The following GALNT13 variants were observed in gnomAD, a reference collection of about 807,000 sequenced individuals.
GALNT13 encodes the protein polypeptide N-acetylgalactosaminyltransferase 13.
A neutral mutation model predicts 64.2 loss-of-function variants in GALNT13; 28 were observed. The observed-to-expected ratio is 0.44, with a 90% CI of 0.32 to 0.60. The LOEUF is 0.60. Among genes scored for constraint, GALNT13 ranks in the 20% least tolerant of loss-of-function variants. GALNT13 has a pLI of 0.05. For synonymous variants in GALNT13, 214 were observed against 224.6 expected, an observed-to-expected ratio of 0.95 and a Z score of 0.42; for missense variants, 577 against 669.8, an observed-to-expected ratio of 0.86 and a Z score of 1.53.
At chr2:153,767,817 G>C in the GALNT13 span, among the ~76,000 whole-genome samples, 145 of 150,542 alleles carry the variant, frequency 9.6e-4, no homozygotes, top group Middle Eastern at 0.01. Flanking sequence ...CCCCTGTTTA[G>C]TTGTTTGAGT....
the GALNT13 span, among the ~76,000 whole-genome samples, chr2:153,116,318 A>G: frequency 6.6e-6 from 1 of 152,184 alleles, no homozygotes; most frequent in Admixed American, 6.5e-5. Context: ...TAACAAAGTA[A>G]ATGAGACTGA....
At chr2:153,727,757 C>T in the GALNT13 span, among the ~76,000 whole-genome samples, 1 of 150,862 alleles carries the variant, frequency 6.6e-6, no homozygotes. Context: ...ACTTTAAGTT[C>T]TGGGATAAAT....
the GALNT13 span, among the ~76,000 whole-genome samples, chr2:153,548,245 A>T: frequency 6.6e-6 from 1 of 152,174 alleles, no homozygotes; most frequent in Non-Finnish European, 1.5e-5. Flanking sequence ...TAAGAAGCTC[A>T]CAGGTGATGC....
chr2:153,998,975 C>T (rs966897532), intron 3 of GALNT13, among the ~76,000 whole-genome samples: 1 of 152,024 alleles, frequency 6.6e-6, no homozygotes. Context: ...GCCAAACTGC[C>T]CAAAGTAATT....
At chr2:153,536,335 C>G in the GALNT13 span, among the ~76,000 whole-genome samples, 3 of 152,206 alleles carry the variant, frequency 2.0e-5, no homozygotes, top group Non-Finnish European at 4.4e-5. Flanking sequence ...CTGGTTCTCA[C>G]AAGGATTACT....
the GALNT13 span, among the ~76,000 whole-genome samples, chr2:153,396,181 A>G: frequency 1.3e-5 from 2 of 152,072 alleles, no homozygotes; most frequent in African/African-American, 4.8e-5. Flanking sequence ...CAGGAGATAA[A>G]ATTGATTGGC....
At chr2:153,849,415 C>G in the GALNT13 span, among the ~76,000 whole-genome samples, 94 of 152,200 alleles carry the variant, frequency 6.2e-4, 2 homozygotes, top group South Asian at 4.1e-4. Flanking sequence ...GTATTCTTGC[C>G]TAGCAAGGAG....
chr2:154,084,232 C>T (rs1157272206), intron 3 of GALNT13, among the ~76,000 whole-genome samples: 1 of 151,764 alleles, frequency 6.6e-6, no homozygotes, highest in Non-Finnish European at 1.5e-5. Context: ...AAGTTTCTTA[C>T]ATTTGTTTTT....
At chr2:153,081,746 C>T in the GALNT13 span, among the ~76,000 whole-genome samples, 5 of 152,186 alleles carry the variant, frequency 3.3e-5, no homozygotes, top group Admixed American at 3.3e-4. Flanking sequence ...ACATGTACCA[C>T]ATTTTTTTTA....
the GALNT13 span, among the ~76,000 whole-genome samples, chr2:153,214,652 C>G: frequency 1.4e-4 from 21 of 152,216 alleles, no homozygotes; most frequent in South Asian, 3.3e-3. Context: ...TTTCAAGTAA[C>G]TGGGACTTAA....
the GALNT13 span, among the ~76,000 whole-genome samples, chr2:153,108,870 T>C: frequency 6.6e-6 from 1 of 152,138 alleles, no homozygotes. Context: ...TTTCTAACCA[T>C]GTGCTGATAT....
At chr2:153,825,187 T>A in the GALNT13 span, among the ~76,000 whole-genome samples, 1 of 152,288 alleles carries the variant, frequency 6.6e-6, no homozygotes, top group African/African-American at 2.4e-5. Flanking sequence ...GCGACTCACA[T>A]CAGTGGGTTG....
At chr2:153,844,125 G>T in the GALNT13 span, among the ~76,000 whole-genome samples, 1 of 152,184 alleles carries the variant, frequency 6.6e-6, no homozygotes, top group East Asian at 1.9e-4. Context: ...CTTTGTGGGG[G>T]CTCCAATCCC....
At chr2:154,399,346 T>TA (rs1176566581) in intron 10 of GALNT13, among the ~76,000 whole-genome samples, 1 of 152,156 alleles carries the variant, frequency 6.6e-6, no homozygotes, top group Non-Finnish European at 1.5e-5. Flanking sequence ...ATAAATAATA[T>TA]AAATTTATTT....
At chr2:153,917,062 G>A (rs7606717) in intron 2 of GALNT13, among the ~76,000 whole-genome samples, 109,099 of 151,938 alleles carry the variant, frequency 0.72, 39,498 homozygotes, top group East Asian at 0.96. Context: ...CAGCTGACAA[G>A]TCACTTAGTT....
chr2:154,024,455 C>A (rs1558915686), intron 3 of GALNT13, among the ~76,000 whole-genome samples: 1 of 152,200 alleles, frequency 6.6e-6, no homozygotes, highest in Non-Finnish European at 1.5e-5. Context: ...TCTTCCATCA[C>A]TGATACCCTT....
the GALNT13 span, among the ~76,000 whole-genome samples, chr2:153,340,183 G>A: frequency 6.6e-6 from 1 of 152,066 alleles, no homozygotes; most frequent in East Asian, 1.9e-4. Context: ...ATTACTTTGG[G>A]TAGTATAAAC....
chr2:153,154,324 T>G, the GALNT13 span, among the ~76,000 whole-genome samples: 1 of 152,284 alleles, frequency 6.6e-6, no homozygotes, highest in East Asian at 1.9e-4. Flanking sequence ...AGACGTGCCT[T>G]TGCTCTCCTT....
chr2:153,831,280 C>T, the GALNT13 span, among the ~76,000 whole-genome samples: 1 of 152,092 alleles, frequency 6.6e-6, no homozygotes, highest in Non-Finnish European at 1.5e-5. Flanking sequence ...AGGAAAAGTG[C>T]CCTGCTCCTT....
Sources: allele counts gnomAD v4.1 joint callset (sites outside exome capture counted in the v4.1 genomes callset), GRCh38; gene constraint gnomAD v4.1.1; transcripts MANE v1.5; gene names NCBI Gene and HGNC (gene_info 2026-07-23, HGNC 2026-07-21).